The following RPN2 variants were observed in gnomAD, a reference collection of about 807,000 sequenced individuals.
RPN2 encodes the protein dolichyl-diphosphooligosaccharide--protein glycosyltransferase subunit 2.
RPN2 carries 29 observed loss-of-function variants against 71.4 expected under a neutral mutation model. The ratio of observed to expected loss-of-function variants is 0.41; its 90% CI spans 0.30 to 0.55. The LOEUF is 0.55. RPN2 is among the 20% of genes least tolerant of loss of function. RPN2 has a pLI of 0.35. For missense variants in RPN2, 726 were observed against 774.1 expected (o/e 0.94, Z 0.74); for synonymous variants, 308 against 305.0 (o/e 1.01, Z -0.10).
At chr20:37,217,416 C>T (rs2067838455) in intron 9 of RPN2, among the ~76,000 whole-genome samples, 1 of 150,138 alleles carries the variant, frequency 6.7e-6, no homozygotes, top group Admixed American at 6.6e-5. Context: ...CCTCAGCCTC[C>T]CGAGTAGCTG....
chr20:37,215,112 T>C (rs529095967), intron 9 of RPN2, among the ~76,000 whole-genome samples: 1 of 152,346 alleles, frequency 6.6e-6, no homozygotes, highest in African/African-American at 2.4e-5. Context: ...CATGGACATT[T>C]ATTTTACTAT....
chr20:37,185,477 A>G (rs1277110208), intron 2 of RPN2, among the ~76,000 whole-genome samples: 1 of 152,148 alleles, frequency 6.6e-6, no homozygotes. Context: ...TCATTATAGT[A>G]GTATGGACAA....
At chr20:37,239,572 CATTTGTTT>C (rs779097483) in intron 16 of RPN2, among the ~76,000 whole-genome samples, 9 of 87,700 alleles carry the variant, frequency 1.0e-4, no homozygotes, top group Non-Finnish European at 2.0e-4. Context: ...AAGGGAACTG[CATTTGTTT>C]GTTTGTTTGT....
At chr20:37,219,508 T>C (rs2067900999) in intron 9 of RPN2, among the ~76,000 whole-genome samples, 2 of 152,228 alleles carry the variant, frequency 1.3e-5, no homozygotes, top group South Asian at 2.1e-4. Context: ...TCTCACAGTC[T>C]GAAGGTTGTA....
chr20:37,208,336 C>T (rs904642206), intron 7 of RPN2, among the ~76,000 whole-genome samples: 1 of 151,464 alleles, frequency 6.6e-6, no homozygotes, highest in African/African-American at 2.4e-5. Flanking sequence ...GTCTATAACT[C>T]CAGATGTATA....
chr20:37,179,498 G>T, intron 1 of RPN2, 129 bp downstream of exon 1: 1 of 1,401,660 alleles, frequency 7.1e-7, no homozygotes. Flanking sequence ...AGCTCTGGCT[G>T]GGGCGCTCTC....
At chr20:37,203,306 C>A (rs1484521269) in intron 4 of RPN2, among the ~76,000 whole-genome samples, 1 of 151,688 alleles carries the variant, frequency 6.6e-6, no homozygotes, top group Non-Finnish European at 1.5e-5. Flanking sequence ...GTAGTAAGCA[C>A]CCCTGAATTG....
At chr20:37,189,618 T>C (rs1292301113) in intron 2 of RPN2, among the ~76,000 whole-genome samples, 2 of 152,202 alleles carry the variant, frequency 1.3e-5, no homozygotes, top group African/African-American at 4.8e-5. Flanking sequence ...TACACTCTTA[T>C]AAACCCTAAA....
At chr20:37,207,829 ACAC>A (rs2067552705) in intron 7 of RPN2, among the ~76,000 whole-genome samples, 1 of 152,026 alleles carries the variant, frequency 6.6e-6, no homozygotes, top group African/African-American at 2.4e-5. Flanking sequence ...TCACAGGCGC[ACAC>A]CACCATGCCT....
intron 9 of RPN2, 106 bp downstream of exon 9, chr20:37,213,971 A>G (rs1568984444): frequency 2.3e-6 from 2 of 853,150 alleles, no homozygotes; most frequent in East Asian, 2.6e-5. Flanking sequence ...TCTACAACCA[A>G]GCTAATGTGT....
chr20:37,227,202 G>A (rs1353302082), intron 11 of RPN2, among the ~76,000 whole-genome samples: 1 of 152,172 alleles, frequency 6.6e-6, no homozygotes, highest in Non-Finnish European at 1.5e-5. Flanking sequence ...GCATTTCCCA[G>A]CTTCTTCCCA....
At chr20:37,231,440 C>G (rs1461881012) in intron 13 of RPN2, among the ~76,000 whole-genome samples, 2 of 151,980 alleles carry the variant, frequency 1.3e-5, no homozygotes, top group Non-Finnish European at 2.9e-5. Flanking sequence ...CTCTGGAAAT[C>G]AAAGTTGGGC....
chr20:37,210,251 C>G, intron 8 of RPN2, 86 bp downstream of exon 8: 1 of 1,599,612 alleles, frequency 6.3e-7, no homozygotes, highest in Non-Finnish European at 8.5e-7. Flanking sequence ...TTAATACATT[C>G]CAGTTAGGTA....
chr20:37,185,032 C>T (rs1050108110), intron 2 of RPN2, among the ~76,000 whole-genome samples: 31 of 152,002 alleles, frequency 2.0e-4, no homozygotes, highest in African/African-American at 7.5e-4. Context: ...GGAAGGCACT[C>T]ACATGTATTA....
chr20:37,198,998 A>T, intron 3 of RPN2, 52 bp from the exon 4 acceptor site: 4 of 1,486,088 alleles, frequency 2.7e-6, no homozygotes, highest in Non-Finnish European at 2.8e-6. Context: ...CATGCCTGCC[A>T]CAAATTGCCA....
rs141696003 is a variant in RPN2, at chr20:37,190,547, T to C, written c.207+6174T>C. ...GTGTGCAGGGTAGTTAGCACGTTGA[T>C]GGCATGTGGTAATACGTAGTATTAC... On this transcript the variant is annotated intron_variant, in intron 2 of 16. Coordinates refer to ENST00000237530, the MANE Select transcript of RPN2 (RefSeq NM_002951.5). 3.3e-5 allele frequency among the ~76,000 whole-genome samples: 5 copies of C among 152,334 alleles called. No homozygotes were observed. The East Asian group carries it at 7.7e-4, about 23-fold the overall frequency.
intron 9 of RPN2, among the ~76,000 whole-genome samples, chr20:37,222,615 C>G (rs1475745984): frequency 6.6e-6 from 1 of 152,128 alleles, no homozygotes; most frequent in African/African-American, 2.4e-5. Context: ...AATTATTTGC[C>G]CAGCCCGTTA....
chr20:37,189,444 C>T (rs893610258), intron 2 of RPN2, among the ~76,000 whole-genome samples: 5 of 151,510 alleles, frequency 3.3e-5, no homozygotes, highest in African/African-American at 4.9e-5. Context: ...GGCCAGAAAG[C>T]CTAAAGTATT....
intron 7 of RPN2, 29 bp from the exon 8 acceptor site, chr20:37,210,018 G>A (rs1364342711): frequency 1.2e-6 from 2 of 1,611,266 alleles, no homozygotes; most frequent in Non-Finnish European, 1.7e-6. Flanking sequence ...AGCCTTTGTT[G>A]TAACAAATAA....
Sources: allele counts gnomAD v4.1 joint callset (sites outside exome capture counted in the v4.1 genomes callset), GRCh38; gene constraint gnomAD v4.1.1; transcripts MANE v1.5; gene names NCBI Gene and HGNC (gene_info 2026-07-23, HGNC 2026-07-21).